Variants in FARS2 observed in about 807,000 individuals in gnomAD.
The protein encoded by FARS2 is phenylalanine--tRNA ligase, mitochondrial.
A neutral mutation model predicts 46.4 loss-of-function variants in FARS2; 40 were observed. The ratio of observed to expected loss-of-function variants is 0.86; its 90% confidence interval spans 0.67 to 1.12. FARS2 has a LOEUF of 1.12. Among genes scored for constraint, FARS2 ranks in the 50% most tolerant of loss-of-function variants. The pLI, the probability that FARS2 is intolerant of heterozygous loss-of-function variation, is 0.00. For synonymous variants in FARS2, 234 were observed against 214.9 expected, an observed-to-expected ratio of 1.09 and a Z score of -0.78; for missense variants, 513 against 567.9, an observed-to-expected ratio of 0.90 and a Z score of 0.98.
intron 1 of FARS2, among the ~76,000 whole-genome samples, chr6:5,303,083 A>G (rs951909782): frequency 6.6e-6 from 1 of 152,202 alleles, no homozygotes; most frequent in African/African-American, 2.4e-5. Context: ...CCGAAGTTCA[A>G]GAGAGTAATT....
intron 6 of FARS2, among the ~76,000 whole-genome samples, chr6:5,700,315 G>T (rs566499841): frequency 4.3e-4 from 66 of 152,220 alleles, no homozygotes; most frequent in African/African-American, 1.5e-3. Context: ...ATATGATGGG[G>T]AATTGGAAGA....
chr6:5,366,780 G>A (rs1758708538), intron 1 of FARS2, among the ~76,000 whole-genome samples: 1 of 152,174 alleles, frequency 6.6e-6, no homozygotes, highest in South Asian at 2.1e-4. Flanking sequence ...ATATGCCTTT[G>A]GGAGGAAGAA....
intron 4 of FARS2, among the ~76,000 whole-genome samples, chr6:5,519,525 T>G (rs2150421750): frequency 6.7e-6 from 1 of 148,862 alleles, no homozygotes; most frequent in South Asian, 2.2e-4. Flanking sequence ...AAGAAAGAGG[T>G]CATGATTTTA....
intron 4 of FARS2, among the ~76,000 whole-genome samples, chr6:5,468,009 G>T (rs1765607650): frequency 6.6e-6 from 1 of 152,198 alleles, no homozygotes; most frequent in Non-Finnish European, 1.5e-5. Flanking sequence ...GAGAGGCTGA[G>T]GCCAGTAGTA....
At chr6:5,593,041 ATC>A (rs1774004425) in intron 5 of FARS2, among the ~76,000 whole-genome samples, 1 of 151,894 alleles carries the variant, frequency 6.6e-6, no homozygotes. Flanking sequence ...CCCTCCTCCC[ATC>A]TCTGCTTTCT....
intron 1 of FARS2, among the ~76,000 whole-genome samples, chr6:5,342,873 G>A (rs1028476394): frequency 6.6e-6 from 1 of 152,036 alleles, no homozygotes; most frequent in African/African-American, 2.4e-5. Context: ...GAGTGAGAGA[G>A]AATTGAGAAA....
chr6:5,257,284 C>G (rs545569870), upstream of FARS2, among the ~76,000 whole-genome samples: 23 of 152,288 alleles, frequency 1.5e-4, no homozygotes, highest in African/African-American at 4.6e-4. Context: ...ACCTCCCTGG[C>G]AGTGCTGTGC....
intron 6 of FARS2, among the ~76,000 whole-genome samples, chr6:5,729,224 T>G (rs1453052043): frequency 6.6e-6 from 1 of 152,188 alleles, no homozygotes; most frequent in Non-Finnish European, 1.5e-5. Context: ...GTCTTGAGTG[T>G]GTGTTGACTC....
At chr6:5,387,983 C>T (rs1006192844) in intron 2 of FARS2, among the ~76,000 whole-genome samples, 1 of 152,108 alleles carries the variant, frequency 6.6e-6, no homozygotes, top group African/African-American at 2.4e-5. Flanking sequence ...TTCAGTTTAT[C>T]CTATTATTAT....
At chr6:5,658,378 A>G (rs914874244) in intron 6 of FARS2, among the ~76,000 whole-genome samples, 3 of 152,208 alleles carry the variant, frequency 2.0e-5, no homozygotes, top group African/African-American at 7.2e-5. Flanking sequence ...GGAAGCATTA[A>G]CACATAATCT....
At chr6:5,530,865 C>T (rs1769784101) in intron 4 of FARS2, among the ~76,000 whole-genome samples, 1 of 146,566 alleles carries the variant, frequency 6.8e-6, no homozygotes, top group South Asian at 2.1e-4. Context: ...TATATTTATA[C>T]TTATATATCA....
At chr6:5,405,519 G>A (rs990272604) in intron 3 of FARS2, among the ~76,000 whole-genome samples, 1 of 90,496 alleles carries the variant, frequency 1.1e-5, no homozygotes, top group Non-Finnish European at 2.1e-5. Context: ...ACGGAGTCTC[G>A]CTCTGTCTCC....
intron 4 of FARS2, among the ~76,000 whole-genome samples, chr6:5,464,045 G>T (rs1189027990): frequency 6.6e-6 from 1 of 152,114 alleles, no homozygotes; most frequent in Non-Finnish European, 1.5e-5. Context: ...TTCAACCTCT[G>T]GACTTAAGTA....
chr6:5,510,667 C>T (rs1435223153), intron 4 of FARS2, among the ~76,000 whole-genome samples: 3 of 152,278 alleles, frequency 2.0e-5, no homozygotes, highest in East Asian at 1.9e-4. Flanking sequence ...CAGCGCTGGC[C>T]GCGTGAGAAG....
At chr6:5,314,418 T>C (rs1424054170) in intron 1 of FARS2, among the ~76,000 whole-genome samples, 1 of 151,940 alleles carries the variant, frequency 6.6e-6, no homozygotes, top group Non-Finnish European at 1.5e-5. Context: ...TCCTGGGAGA[T>C]TGTTTCCTTG....
intron 6 of FARS2, among the ~76,000 whole-genome samples, chr6:5,627,728 G>T (rs937053807): frequency 2.6e-5 from 4 of 152,186 alleles, no homozygotes; most frequent in Non-Finnish European, 5.9e-5. Context: ...TATTTTTGAT[G>T]AATTAATGAT....
At chr6:5,501,681 G>T (rs1210734287) in intron 4 of FARS2, among the ~76,000 whole-genome samples, 11 of 152,046 alleles carry the variant, frequency 7.2e-5, no homozygotes, top group African/African-American at 2.7e-4. Context: ...TTTTAGTAGA[G>T]ATGGGGTTTT....
At chr6:5,315,072 A>G (rs1769350525) in intron 1 of FARS2, among the ~76,000 whole-genome samples, 1 of 152,208 alleles carries the variant, frequency 6.6e-6, no homozygotes, top group Non-Finnish European at 1.5e-5. Flanking sequence ...GCTTTGTGAA[A>G]AGATGTCCTT....
intron 1 of FARS2, among the ~76,000 whole-genome samples, chr6:5,282,525 C>T (rs78178560): frequency 0.021 from 3,178 of 152,118 alleles, 45 homozygotes; most frequent in Non-Finnish European, 0.032. Context: ...TAAAGGAGGC[C>T]ACCGGAGTTG....
Sources: gnomAD v4.1 joint callset for allele counts (sites outside exome capture counted in the v4.1 genomes callset) on GRCh38, gnomAD v4.1.1 for gene constraint, MANE v1.5 for transcripts, NCBI Gene and HGNC (gene_info 2026-07-23, HGNC 2026-07-21) for gene names.